Variants in SLC4A5 observed in about 807,000 individuals in gnomAD.
SLC4A5 encodes the protein electrogenic sodium bicarbonate cotransporter 4.
In SLC4A5, 96 loss-of-function variants were observed where a neutral mutation model predicts 120.4. That is an observed-to-expected ratio of 0.80 (90% confidence interval 0.68 to 0.94). SLC4A5 has a LOEUF of 0.94. SLC4A5 is among the 40% of genes least tolerant of loss of function. The probability of loss-of-function intolerance (pLI) is 0.00; values close to 1 mark genes in which losing one functional copy is unlikely to be tolerated. For synonymous variants in SLC4A5, 550 were observed against 571.1 expected (o/e 0.96, Z 0.53); for missense variants, 1,259 against 1,459.5 (o/e 0.86, Z 2.24).
rs1670920090 is a variant in SLC4A5 at position 74,255,091 on chromosome 2, G to A, written c.1026-385C>T. Among the ~76,000 whole-genome samples the A allele has an allele frequency of 6.6e-6, 1 of 152,180 alleles. No homozygotes were observed. The highest frequency in any genetic ancestry group is 2.1e-4 in the South Asian group (1 of 4,814). ...CCGCCTTGGCCTCCCAGAGTGCTGG[G>A]ATTAGAGGAATGAGCCACTGCGCTG... On this transcript the variant is annotated intron_variant, in intron 13 of 30. Coordinates refer to ENST00000394019, the Ensembl canonical transcript of SLC4A5. The surrounding 1 kb of genome is among the most constrained non-coding windows in gnomAD (Gnocchi z 4.0).
chr2:74,231,764 T>C (rs1670095393), intron 24 of SLC4A5, among the ~76,000 whole-genome samples: 1 of 152,080 alleles, frequency 6.6e-6, no homozygotes, highest in Non-Finnish European at 1.5e-5. Context: ...TGAATGAGGA[T>C]CTGGGGAAGA....
At chr2:74,283,813 A>G (rs1671889298) in intron 8 of SLC4A5, among the ~76,000 whole-genome samples, 1 of 151,456 alleles carries the variant, frequency 6.6e-6, no homozygotes, top group African/African-American at 2.4e-5. Flanking sequence ...CTCTAGAGCT[A>G]CACTCGACCT....
rs950683330 is a variant in SLC4A5, at chr2:74,326,262, T to C, written c.-3+1858A>G. On this transcript the variant is annotated intron_variant, in intron 5 of 30. Coordinates refer to ENST00000394019, the Ensembl canonical transcript of SLC4A5. ...CCACTACAATATCTTGCCAAAGGAA[T>C]TGTGCTAGCAACACATCAGCCTCTG... 5.4e-4 allele frequency among the ~76,000 whole-genome samples: 82 copies of C among 152,340 alleles called. 1 individual carries two copies. Among genetic ancestry groups the C allele is most frequent in the African/African-American group, 2.0e-3 (82 of 41,580 alleles).
intron 5 of SLC4A5, among the ~76,000 whole-genome samples, chr2:74,322,629 A>G (rs1448898367): frequency 6.6e-6 from 1 of 152,154 alleles, no homozygotes; most frequent in Non-Finnish European, 1.5e-5. Flanking sequence ...TAATATATCA[A>G]TATTTGTCAT....
At chr2:74,228,043 G>T (rs1481158540) in intron 25 of SLC4A5, among the ~76,000 whole-genome samples, 165 bp from the exon 26 acceptor site, 3 of 152,222 alleles carry the variant, frequency 2.0e-5, no homozygotes, top group Admixed American at 1.3e-4. Context: ...GAAGATGAGG[G>T]TCACTGGGGC....
At chr2:74,219,569 G>A (rs1342254726) in intron 30 of SLC4A5, among the ~76,000 whole-genome samples, 4 of 152,232 alleles carry the variant, frequency 2.6e-5, no homozygotes, top group African/African-American at 9.6e-5. Context: ...AAACACCAAT[G>A]AGGTTGGGAG....
intron 8 of SLC4A5, among the ~76,000 whole-genome samples, chr2:74,283,690 C>T (rs1443524301): frequency 6.6e-6 from 1 of 152,180 alleles, no homozygotes; most frequent in Non-Finnish European, 1.5e-5. Context: ...AGAGACAGAC[C>T]TGGGCACGGT....
chr2:74,263,199 T>G (rs1347350883), intron 10 of SLC4A5, among the ~76,000 whole-genome samples: 1 of 152,154 alleles, frequency 6.6e-6, no homozygotes, highest in Non-Finnish European at 1.5e-5. Flanking sequence ...GCCACCACAC[T>G]TGGCTAATTT....
rs1177806468 is a variant in SLC4A5, at chr2:74,286,104, G to T, written c.272-202C>A. 2.0e-5 allele frequency among the ~76,000 whole-genome samples: 3 copies of T among 152,232 alleles called. No homozygotes were observed. In the East Asian group the frequency reaches 5.8e-4, roughly 29 times the overall value. On this transcript the variant is annotated intron_variant, in intron 7 of 30. Transcript: ENST00000394019. Reference sequence around the variant, plus strand: ...AGATACTCTTTAAGATAAAAGAGATGAAAAGATTTAGTCTGCATTCAGATC... The same window carrying T: ...AGATACTCTTTAAGATAAAAGAGATTAAAAGATTTAGTCTGCATTCAGATC...
At chr2:74,234,719 A>G (rs978643985) in intron 22 of SLC4A5, among the ~76,000 whole-genome samples, 1 of 152,166 alleles carries the variant, frequency 6.6e-6, no homozygotes, top group African/African-American at 2.4e-5. Context: ...TATTGGTCTG[A>G]GGACCACACT....
intron 26 of SLC4A5, chr2:74,227,454 C>G (rs1453868044): frequency 6.4e-7 from 1 of 1,568,084 alleles, no homozygotes; most frequent in Non-Finnish European, 8.7e-7. Flanking sequence ...CAGAACAAAA[C>G]AAAAATGTTT....
chr2:74,307,142 A>C, intron 6 of SLC4A5: 1 of 558,458 alleles, frequency 1.8e-6, no homozygotes, highest in South Asian at 1.7e-5. Context: ...GCATCATCTC[A>C]GCAGCTCCAA....
In SLC4A5 at chr2:74,316,325, A is replaced by T. The variant is rs932105410; in HGVS notation, c.-2-1300T>A. Among the ~76,000 whole-genome samples the T allele has an allele frequency of 9.0e-3, 1,273 of 140,702 alleles. 30 individuals carry two copies. Among genetic ancestry groups the T allele is most frequent in the African/African-American group, 0.034 (1,210 of 35,334 alleles). 92.3% of individuals were successfully genotyped at this position (140,702 alleles called of 152,430 possible). A position where few individuals can be genotyped will look rare whatever the true frequency, so the allele number is the denominator to read the frequency against. ...GGTTATGCTACAAAAGAGTTGTAAA[A>T]AAAAAAAAAAAAAAAAAAAAAAAGA... On this transcript the variant is annotated intron_variant, in intron 5 of 30. Coordinates refer to ENST00000394019, the Ensembl canonical transcript of SLC4A5.
chr2:74,262,076 C>T (rs2104034108), intron 11 of SLC4A5, 61 bp downstream of exon 11: 1 of 1,490,764 alleles, frequency 6.7e-7, no homozygotes, highest in Non-Finnish European at 9.3e-7. Flanking sequence ...GGCAATGTGG[C>T]CATGTCACAG....
intron 25 of SLC4A5, among the ~76,000 whole-genome samples, chr2:74,228,490 C>T (rs960242253): frequency 4.6e-5 from 7 of 152,040 alleles, no homozygotes; most frequent in South Asian, 2.1e-4. Context: ...ATTAGCCAGG[C>T]GTGGTGGCAC....
intron 4 of SLC4A5, among the ~76,000 whole-genome samples, chr2:74,331,473 T>C (rs1673365470): frequency 6.6e-6 from 1 of 151,614 alleles, no homozygotes; most frequent in South Asian, 2.1e-4. Context: ...TAGAAGGCCT[T>C]GTGCATGAAG....
chr2:74,260,263 T>G (rs1671093935), intron 11 of SLC4A5, among the ~76,000 whole-genome samples: 2 of 152,196 alleles, frequency 1.3e-5, no homozygotes, highest in South Asian at 4.1e-4. Context: ...TCTCGGCTAT[T>G]GGCCTGTGCC....
chr2:74,274,217 CACTTGAGCCCAGCAGGCGGAAGTT>C (rs1671567908), intron 8 of SLC4A5, among the ~76,000 whole-genome samples: 1 of 152,192 alleles, frequency 6.6e-6, no homozygotes, highest in African/African-American at 2.4e-5. Context: ...GCAGGAGAAT[CACTTGAGCCCAGCAGGCGGAAGTT>C]ACAGTGAGCT....
chr2:74,234,158 T>C (rs541517638), intron 22 of SLC4A5, among the ~76,000 whole-genome samples: 1 of 151,216 alleles, frequency 6.6e-6, no homozygotes, highest in African/African-American at 2.4e-5. Flanking sequence ...TTGGTGCTCT[T>C]TTTTTTTTCT....
Sources: allele counts gnomAD v4.1 joint callset (sites outside exome capture counted in the v4.1 genomes callset), GRCh38; gene constraint gnomAD v4.1.1; non-coding constraint Gnocchi (gnomAD v3.1); transcripts MANE v1.5; gene names NCBI Gene and HGNC (gene_info 2026-07-23, HGNC 2026-07-21).